Variants in AZIN1 observed in about 807,000 individuals in gnomAD.
The protein encoded by AZIN1 is ornithine decarboxylase antizyme inhibitor.
In AZIN1, 12 loss-of-function variants were observed where a neutral mutation model predicts 47.4. The observed-to-expected ratio is 0.25, with a 90% CI of 0.16 to 0.41. AZIN1 has a LOEUF of 0.41. AZIN1 is among the 10% of genes least tolerant of loss of function. The pLI is 1.00. For synonymous variants in AZIN1, 155 were observed against 176.3 expected (o/e 0.88, Z 0.96); for missense variants, 410 against 532.4 (o/e 0.77, Z 2.26).
intron 2 of AZIN1, among the ~76,000 whole-genome samples, chr8:102,852,171 A>G (rs1812954932): frequency 1.3e-5 from 2 of 152,344 alleles, no homozygotes; most frequent in Admixed American, 6.5e-5. Flanking sequence ...TGCTGAACCT[A>G]CATGAGCTAA....
chr8:102,839,957 T>G (rs1326004856), intron 3 of AZIN1, 134 bp from the exon 4 acceptor site: 1 of 498,432 alleles, frequency 2.0e-6, no homozygotes, highest in Non-Finnish European at 3.4e-6. Flanking sequence ...AGTAATACAT[T>G]TAAAGCTTGT....
chr8:102,847,965 TAAC>T (rs1290214131), intron 2 of AZIN1, among the ~76,000 whole-genome samples: 26 of 152,312 alleles, frequency 1.7e-4, no homozygotes, highest in Non-Finnish European at 1.3e-4. Context: ...ATGCGTTGCA[TAAC>T]AACATTTTTA....
chr8:102,828,619 A>C lies in AZIN1; in HGVS notation c.1295T>G (p.Val432Gly), dbSNP rs1262445416. 2 of 1,611,956 alleles carry C rather than the reference A, an allele frequency of 1.2e-6. No individual in the cohort carries two copies. The highest frequency in any genetic ancestry group is 2.7e-5 in the African/African-American group (2 of 74,910). Residue 432 changes from valine to glycine, a missense_variant, in exon 12 of 12, where the codon GTG becomes GGG. Val to Gly is a moderately radical substitution (Grantham distance 109). Around this residue, in one of 3 missense-constraint regions of AZIN1, gnomAD observed 168 missense variants for 198.3 expected, o/e 0.85. Coordinates refer to ENST00000337198, the MANE Select transcript of AZIN1 (RefSeq NM_148174.4). ...TTGGCTCAGCTGAATGCAAGAAGGCACAAAGAAGAAGTTCTTCATCATTGA... is the reference window on the plus strand; with the variant it reads ...TTGGCTCAGCTGAATGCAAGAAGGCCCAAAGAAGAAGTTCTTCATCATTGA... ...SDSMMKNFFF[V>G]PSCIQLSQED...
rs1352478265 is a variant in AZIN1, at chr8:102,828,436, G to A, written c.*131C>T. ...AGCTGATTTTGTCTGGTCCCAAATAGCTATTACTAATAGTTTTTGTTGCCA... is the reference window on the plus strand; with the variant it reads ...AGCTGATTTTGTCTGGTCCCAAATAACTATTACTAATAGTTTTTGTTGCCA... On this transcript the variant is annotated 3_prime_UTR_variant, in exon 12 of 12. Transcript: ENST00000337198. 1.8e-6 allele frequency: 1 copy of A among 559,604 alleles called. No individual in the cohort carries two copies. The allele number at this position is 559,604 out of a possible 1,614,324, so 34.7% of individuals were successfully genotyped here. A position where few individuals can be genotyped will look rare whatever the true frequency, so the allele number is the denominator to read the frequency against.
intron 3 of AZIN1, among the ~76,000 whole-genome samples, chr8:102,840,907 G>C (rs968940378): frequency 3.9e-5 from 6 of 152,154 alleles, no homozygotes; most frequent in Non-Finnish European, 8.8e-5. Flanking sequence ...ATCCTCCCAA[G>C]ATATGATATC....
chr8:102,858,475 A>G (rs1029640137), intron 1 of AZIN1, among the ~76,000 whole-genome samples: 2 of 152,180 alleles, frequency 1.3e-5, no homozygotes, highest in Non-Finnish European at 2.9e-5. Flanking sequence ...CTAAAATTCC[A>G]CATTTTTAAG....
chr8:102,842,340 C>T (rs188283236), intron 3 of AZIN1, among the ~76,000 whole-genome samples: 69 of 151,972 alleles, frequency 4.5e-4, no homozygotes, highest in African/African-American at 1.6e-3. Context: ...GAGGCTGAGG[C>T]GGGCAGATCA....
At chr8:102,832,582 A>G (rs550049597) in intron 9 of AZIN1, among the ~76,000 whole-genome samples, 2 of 152,234 alleles carry the variant, frequency 1.3e-5, no homozygotes, top group Non-Finnish European at 1.5e-5. Flanking sequence ...ACACGTATCT[A>G]AACATCAGTA....
At chr8:102,836,443 C>T (rs1021134230) in intron 5 of AZIN1, 53 bp from the exon 6 acceptor site, 68 of 1,561,186 alleles carry the variant, frequency 4.4e-5, no homozygotes, top group South Asian at 3.0e-4. Flanking sequence ...ATCATCAGCA[C>T]ATGTGAAGCC....
chr8:102,859,905 G>A (rs1813524577), intron 1 of AZIN1, among the ~76,000 whole-genome samples: 1 of 152,222 alleles, frequency 6.6e-6, no homozygotes, highest in Non-Finnish European at 1.5e-5. Flanking sequence ...AACTACTGAG[G>A]AGGTTAAGGC....
chr8:102,848,323 CAAAAAAAA>C (rs60663839), intron 2 of AZIN1, among the ~76,000 whole-genome samples: 2 of 91,588 alleles, frequency 2.2e-5, no homozygotes, highest in African/African-American at 7.8e-5. Flanking sequence ...ACTAAAAGGC[CAAAAAAAA>C]AAAAAAAAAA....
chr8:102,845,173 C>T (rs1812495346), intron 2 of AZIN1, among the ~76,000 whole-genome samples: 1 of 141,278 alleles, frequency 7.1e-6, no homozygotes, highest in Admixed American at 7.2e-5. Context: ...AACTAGAGTT[C>T]ACCCTTGGGT....
chr8:102,846,065 A>G (rs1812550792), intron 2 of AZIN1, among the ~76,000 whole-genome samples: 1 of 152,192 alleles, frequency 6.6e-6, no homozygotes, highest in African/African-American at 2.4e-5. Flanking sequence ...TCTAATATAT[A>G]TGTAGTATTT....
At chr8:102,838,989 A>C in intron 4 of AZIN1, 73 bp from the exon 5 acceptor site, 1 of 1,343,034 alleles carries the variant, frequency 7.4e-7, no homozygotes, top group South Asian at 1.4e-5. Context: ...CTCTAATACT[A>C]TTACCCCCAC....
At chr8:102,842,188 CAG>C (rs1429348615) in intron 3 of AZIN1, among the ~76,000 whole-genome samples, 2 of 152,104 alleles carry the variant, frequency 1.3e-5, no homozygotes, top group Admixed American at 6.5e-5. Context: ...CCTAGAGCAG[CAG>C]AGAGTAAGTA....
chr8:102,861,940 G>A (rs1813691409), intron 1 of AZIN1, among the ~76,000 whole-genome samples: 1 of 151,922 alleles, frequency 6.6e-6, no homozygotes, highest in African/African-American at 2.4e-5. Flanking sequence ...GGAGGCTGAG[G>A]AAGGAGAATC....
intron 9 of AZIN1, chr8:102,830,265 A>T (rs1401411822): frequency 1.1e-5 from 2 of 181,744 alleles, no homozygotes; most frequent in Non-Finnish European, 2.3e-5. Context: ...GCATGCCTGT[A>T]ATCACAGCTA....
At chr8:102,862,739 G>C (rs1013644468) in intron 1 of AZIN1, among the ~76,000 whole-genome samples, 7 of 152,154 alleles carry the variant, frequency 4.6e-5, no homozygotes, top group Admixed American at 2.6e-4. Context: ...ATTCACGATA[G>C]AAACACGACG....
At chr8:102,841,556 A>C (rs533476633) in intron 3 of AZIN1, among the ~76,000 whole-genome samples, 1 of 152,274 alleles carries the variant, frequency 6.6e-6, no homozygotes, top group Non-Finnish European at 1.5e-5. Context: ...GACCAATATG[A>C]CAAGTTTCAT....
Sources: allele counts gnomAD v4.1 joint callset (sites outside exome capture counted in the v4.1 genomes callset), GRCh38; gene constraint gnomAD v4.1.1; regional missense constraint gnomAD v4.1.1; transcripts MANE v1.5; gene names NCBI Gene and HGNC (gene_info 2026-07-23, HGNC 2026-07-21).